Variants in KDM5A observed in about 807,000 individuals in gnomAD.
KDM5A encodes the protein lysine-specific demethylase 5A.
Under a neutral mutation model 193.5 loss-of-function variants are expected in KDM5A, and 42 were observed. The observed-to-expected ratio is 0.22, with a 90% CI of 0.17 to 0.28. The LOEUF (loss-of-function observed/expected upper bound fraction) is 0.28. Among genes scored for constraint, KDM5A ranks in the 10% least tolerant of loss-of-function variants. The pLI is 1.00. For synonymous variants in KDM5A, 796 were observed against 718.1 expected, an observed-to-expected ratio of 1.11 and a Z score of -1.73; for missense variants, 1,692 against 2,055.1, an observed-to-expected ratio of 0.82 and a Z score of 3.42.
rs986298168 is a variant in KDM5A at position 388,476 on chromosome 12, T to G, written c.165+451A>C. 1.1e-5 allele frequency: 4 copies of G among 374,566 alleles called. No homozygotes were observed. In the East Asian group the frequency reaches 2.2e-4, roughly 20 times the overall value. The allele number at this position is 374,566 out of a possible 1,614,324, so 23.2% of individuals were successfully genotyped here. A position where few individuals can be genotyped will look rare whatever the true frequency, so the allele number is the denominator to read the frequency against. ...CTGGAGTTCTTGTCTAGTAATACCA[T>G]CCGGTGAGACTAGAGCTCAGATAAC... On this transcript the variant is annotated intron_variant, in intron 1 of 27. Coordinates refer to ENST00000399788, the MANE Select transcript of KDM5A (RefSeq NM_001042603.3).
intron 10 of KDM5A, among the ~76,000 whole-genome samples, chr12:346,443 T>C (rs989039162): frequency 6.6e-6 from 1 of 152,156 alleles, no homozygotes; most frequent in Non-Finnish European, 1.5e-5. Context: ...TACCAAAGCC[T>C]GGCAGAGACA....
rs2137365379 is a variant in KDM5A, at chr12:292,974, G to A, written c.4651C>T (p.Leu1551=). ...TCTTCTTTTGCTAGTTTCTTGGCCA[G>A]TTTATTCAGCTCCTTTGATTTGTCT... is the stretch of plus-strand genomic sequence containing the variant. ...GADKSKELNK[L]AKKLAKEEER... is the part of the protein sequence containing the mutation. Residue 1551 remains leucine, a synonymous_variant, in exon 27 of 28, where the codon CTG becomes TTG. Transcript: ENST00000399788. 1 of 1,612,080 alleles carries A rather than the reference G, an allele frequency of 6.2e-7. No homozygotes were observed. The highest frequency in any genetic ancestry group is 2.2e-5 in the East Asian group (1 of 44,876).
At chr12:342,042 C>T (rs980756573) in intron 10 of KDM5A, among the ~76,000 whole-genome samples, 1 of 152,036 alleles carries the variant, frequency 6.6e-6, no homozygotes, top group Non-Finnish European at 1.5e-5. Context: ...CAACTGTCAG[C>T]TTAGGAAAAA....
chr12:343,727 A>G (rs1944035511), intron 10 of KDM5A, among the ~76,000 whole-genome samples: 1 of 152,362 alleles, frequency 6.6e-6, no homozygotes, highest in East Asian at 1.9e-4. Flanking sequence ...CAACATCAAC[A>G]AAAAGGTCAT....
chr12:336,559 T>C (rs1345808204), intron 10 of KDM5A, among the ~76,000 whole-genome samples: 1 of 152,092 alleles, frequency 6.6e-6, no homozygotes, highest in Non-Finnish European at 1.5e-5. Context: ...AAATAGTGAA[T>C]TTCATTGAAG....
intron 1 of KDM5A, chr12:388,311 T>A: frequency 2.2e-6 from 1 of 455,990 alleles, no homozygotes; most frequent in Non-Finnish European, 4.4e-6. Flanking sequence ...TCGTTGATCT[T>A]GAGTTCCCTA....
chr12:361,054 G>A lies in KDM5A; in HGVS notation c.672+1909C>T, dbSNP rs537657435. Among the ~76,000 whole-genome samples, 20 of 152,210 alleles carry A rather than the reference G, an allele frequency of 1.3e-4. No individual in the cohort carries two copies. In the East Asian group the frequency reaches 2.5e-3, roughly 19 times the overall value. On this transcript the variant is annotated intron_variant, in intron 5 of 27. Transcript: ENST00000399788. ...CTGAAATAGAAAACTAGGAATGAACGACAGACATTCAACAGAATAATTAAG... is the reference window on the plus strand; with the variant it reads ...CTGAAATAGAAAACTAGGAATGAACAACAGACATTCAACAGAATAATTAAG...
intron 3 of KDM5A, among the ~76,000 whole-genome samples, chr12:368,915 A>G (rs1183744518): frequency 1.3e-5 from 2 of 152,206 alleles, no homozygotes; most frequent in Admixed American, 6.5e-5. Context: ...CAATGTTGCT[A>G]TATTACAAAT....
At chr12:365,576 C>T (rs572198374) in intron 4 of KDM5A, among the ~76,000 whole-genome samples, 141 of 152,222 alleles carry the variant, frequency 9.3e-4, no homozygotes, top group African/African-American at 2.1e-3. Flanking sequence ...TCACAGTGAT[C>T]GCTGCATAAA....
chr12:319,073 A>C (rs559749950), intron 18 of KDM5A, among the ~76,000 whole-genome samples: 16 of 152,220 alleles, frequency 1.1e-4, no homozygotes, highest in Non-Finnish European at 1.8e-4. Flanking sequence ...TGATGGAGAA[A>C]TGTTGTTAAA....
At chr12:359,696 T>G (rs1328493748) in intron 5 of KDM5A, among the ~76,000 whole-genome samples, 1 of 135,234 alleles carries the variant, frequency 7.4e-6, no homozygotes, top group Admixed American at 7.9e-5. Flanking sequence ...TAACCAAGAC[T>G]GCGCCACTGC....
rs1393039421 is a variant in KDM5A at position 330,073 on chromosome 12, G to GTATATATATATATATA, written c.1774-1045_1774-1044insTATATATATATATATA. Among the ~76,000 whole-genome samples, 22 of 127,592 alleles carry GTATATATATATATATA rather than the reference G, an allele frequency of 1.7e-4. 1 individual carries two copies. The highest frequency in any genetic ancestry group is 1.2e-3 in the South Asian group (5 of 4,344). The allele number at this position is 127,592 out of a possible 152,430, so 83.7% of individuals were successfully genotyped here. A position where few individuals can be genotyped will look rare whatever the true frequency, so the allele number is the denominator to read the frequency against. On this transcript the variant is annotated intron_variant, in intron 13 of 27. Transcript: ENST00000399788. ...GGAAAAAGTGTGTGTGTGTGTGTGT[G>GTATATATATATATATA]TGTGTGTGTGTGTATATATATATAT...
chr12:323,528 A>G (rs1241615058), intron 15 of KDM5A, 72 bp downstream of exon 15: 18 of 1,380,026 alleles, frequency 1.3e-5, no homozygotes, highest in East Asian at 2.3e-5. Context: ...AAGTAAGGGA[A>G]TAAGTAAAAA....
intron 10 of KDM5A, among the ~76,000 whole-genome samples, chr12:349,740 C>G (rs1336719231): frequency 1.4e-5 from 2 of 144,796 alleles, no homozygotes; most frequent in African/African-American, 5.1e-5. Flanking sequence ...GGTTTTTCTT[C>G]TGTCACTCCT....
intron 19 of KDM5A, among the ~76,000 whole-genome samples, 163 bp downstream of exon 19, chr12:317,943 A>G (rs1565531934): frequency 6.6e-6 from 1 of 152,044 alleles, no homozygotes; most frequent in Non-Finnish European, 1.5e-5. Flanking sequence ...ATCAGGAAAT[A>G]CCTTTCCCAC....
chr12:389,271 A>G lies in KDM5A; in HGVS notation c.-180T>C, dbSNP rs1944699550. 1.4e-6 allele frequency: 1 copy of G among 732,780 alleles called. No individual in the cohort carries two copies. The highest frequency in any genetic ancestry group is 2.4e-6 in the Non-Finnish European group (1 of 411,260). 45.4% of individuals were successfully genotyped at this position (732,780 alleles called of 1,614,324 possible). On this transcript the variant is annotated 5_prime_UTR_variant, in exon 1 of 28. Transcript: ENST00000399788. ...CCTCCCGTTTGTTATTGTTTCTTGC[A>G]AGGCTTTTCCACTGAGGTTCAGGAC...
chr12:327,348 A>C lies in KDM5A; in HGVS notation c.1968+1487T>G, dbSNP rs916901789. On this transcript the variant is annotated intron_variant, in intron 14 of 27. Coordinates refer to ENST00000399788, the MANE Select transcript of KDM5A (RefSeq NM_001042603.3). ...ACTTAAAATTTCAAAATTCAAAAGA[A>C]AGACTCTAGGCAATGAGAAAAAGAA... Among the ~76,000 whole-genome samples the C allele has an allele frequency of 2.8e-4, 42 of 152,330 alleles. 1 individual carries two copies. Among genetic ancestry groups the C allele is most frequent in the African/African-American group, 1.0e-3 (42 of 41,580 alleles).
At position 305,835 on chromosome 12, in the gene KDM5A, T is replaced by C. The variant is rs754102621; in HGVS notation, c.4074+1111A>G. On this transcript the variant is annotated intron_variant, in intron 24 of 27. Coordinates refer to ENST00000399788, the MANE Select transcript of KDM5A (RefSeq NM_001042603.3). ...AATAATCACATTGATGGTAAATAAT[T>C]TGTTGTATCTGCAACTGGAACTCAG... 3.7e-4 allele frequency among the ~76,000 whole-genome samples: 57 copies of C among 152,156 alleles called. 1 individual carries two copies. Among genetic ancestry groups the C allele is most frequent in the Non-Finnish European group, 4.4e-5 (3 of 68,024 alleles).
intron 2 of KDM5A, among the ~76,000 whole-genome samples, chr12:385,686 T>C (rs903923526): frequency 2.6e-5 from 4 of 152,320 alleles, no homozygotes; most frequent in Middle Eastern, 3.4e-3. Flanking sequence ...AAGCTAAGCA[T>C]TGAACATTTC....
Sources: gnomAD v4.1 joint callset for allele counts (sites outside exome capture counted in the v4.1 genomes callset) on GRCh38, gnomAD v4.1.1 for gene constraint, MANE v1.5 for transcripts, NCBI Gene and HGNC (gene_info 2026-07-23, HGNC 2026-07-21) for gene names.